Variants in MARCHF1 observed in about 807,000 individuals in gnomAD.
The protein encoded by MARCHF1 is E3 ubiquitin-protein ligase MARCHF1.
MARCHF1 carries 40 observed loss-of-function variants against 54.2 expected under a neutral mutation model. That is an observed-to-expected ratio of 0.74 (90% CI 0.57 to 0.96). The LOEUF (loss-of-function observed/expected upper bound fraction) is 0.96. Among genes scored for constraint, MARCHF1 ranks in the 40% least tolerant of loss-of-function variants. The probability of loss-of-function intolerance (pLI) is 0.00; values close to 1 mark genes in which losing one functional copy is unlikely to be tolerated. For synonymous variants in MARCHF1, 236 were observed against 236.3 expected (o/e 1.00, Z 0.01); for missense variants, 586 against 656.5 (o/e 0.89, Z 1.17).
At chr4:164,258,140 A>G (rs1184593130) in intron 1 of MARCHF1, among the ~76,000 whole-genome samples, 5 of 152,108 alleles carry the variant, frequency 3.3e-5, no homozygotes. Context: ...TTCTCAGCAA[A>G]CACGGGAACA....
At chr4:163,811,707 G>A (rs1748393710) in intron 4 of MARCHF1, among the ~76,000 whole-genome samples, 1 of 152,162 alleles carries the variant, frequency 6.6e-6, no homozygotes, top group Admixed American at 6.5e-5. Flanking sequence ...CTGATATTGA[G>A]AAAGCTTTAC....
chr4:163,870,056 C>A (rs1287608587), intron 3 of MARCHF1, among the ~76,000 whole-genome samples: 1 of 151,538 alleles, frequency 6.6e-6, no homozygotes, highest in Non-Finnish European at 1.5e-5. Context: ...AAAAATCTGA[C>A]ACTCAATTTA....
At chr4:163,561,405 G>A (rs1267457263) in intron 8 of MARCHF1, among the ~76,000 whole-genome samples, 1 of 152,114 alleles carries the variant, frequency 6.6e-6, no homozygotes, top group Non-Finnish European at 1.5e-5. Context: ...GCACATCTGT[G>A]ATTATTTCAT....
At chr4:164,030,323 A>G (rs1753851528) in intron 2 of MARCHF1, among the ~76,000 whole-genome samples, 1 of 152,140 alleles carries the variant, frequency 6.6e-6, no homozygotes, top group African/African-American at 2.4e-5. Flanking sequence ...TACCATTTCC[A>G]TTGTCTTTTA....
chr4:164,006,948 A>G (rs1753301080), intron 2 of MARCHF1, among the ~76,000 whole-genome samples: 1 of 134,232 alleles, frequency 7.4e-6, no homozygotes, highest in Non-Finnish European at 1.6e-5. Flanking sequence ...CACCACCATC[A>G]TTCCCATCTT....
chr4:163,546,194 T>G (rs933091444), intron 8 of MARCHF1, among the ~76,000 whole-genome samples: 3 of 152,238 alleles, frequency 2.0e-5, no homozygotes, highest in African/African-American at 7.2e-5. Flanking sequence ...TAGGCTAGTC[T>G]CAAACTCCTG....
At chr4:164,211,725 G>A (rs1182352001) in intron 1 of MARCHF1, among the ~76,000 whole-genome samples, 1 of 152,010 alleles carries the variant, frequency 6.6e-6, no homozygotes, top group African/African-American at 2.4e-5. Flanking sequence ...AGAAGAATCA[G>A]TGTGGTAAAG....
intron 2 of MARCHF1, among the ~76,000 whole-genome samples, chr4:163,990,846 T>C (rs1224154417): frequency 6.6e-6 from 1 of 152,198 alleles, no homozygotes; most frequent in Non-Finnish European, 1.5e-5. Context: ...TTTAGGTCCA[T>C]GAAATGTCCT....
intron 2 of MARCHF1, among the ~76,000 whole-genome samples, chr4:163,995,375 C>T (rs1753055624): frequency 6.6e-6 from 1 of 152,034 alleles, no homozygotes; most frequent in African/African-American, 2.4e-5. Context: ...GTATCCAGTC[C>T]TTCTGGGTTT....
intron 1 of MARCHF1, among the ~76,000 whole-genome samples, chr4:164,266,500 G>A (rs540637761): frequency 1.3e-5 from 2 of 152,234 alleles, no homozygotes; most frequent in East Asian, 3.9e-4. Context: ...GTTTGCCTAT[G>A]GTCTCTGAGA....
At chr4:163,833,748 T>G (rs1027631796) in intron 4 of MARCHF1, among the ~76,000 whole-genome samples, 3 of 152,152 alleles carry the variant, frequency 2.0e-5, no homozygotes, top group African/African-American at 7.2e-5. Flanking sequence ...GGGCATGTCA[T>G]TTTATTTAGA....
chr4:164,337,845 G>A (rs1729796349), intron 1 of MARCHF1, among the ~76,000 whole-genome samples: 2 of 152,238 alleles, frequency 1.3e-5, no homozygotes, highest in Admixed American at 1.3e-4. Context: ...AAAAATGAAA[G>A]ACTATCAGCA....
intron 4 of MARCHF1, among the ~76,000 whole-genome samples, chr4:163,702,878 A>G (rs1005819663): frequency 3.1e-4 from 47 of 152,316 alleles, no homozygotes; most frequent in African/African-American, 1.1e-3. Flanking sequence ...TTTCTACACC[A>G]GTACATGGAA....
intron 2 of MARCHF1, among the ~76,000 whole-genome samples, chr4:163,994,413 T>A (rs1177806157): frequency 1.3e-5 from 2 of 151,722 alleles, no homozygotes; most frequent in East Asian, 3.9e-4. Flanking sequence ...CCTGGTATTC[T>A]CAAGCCTAGT....
chr4:164,294,076 T>C (rs990636005), intron 1 of MARCHF1, among the ~76,000 whole-genome samples: 5 of 152,314 alleles, frequency 3.3e-5, no homozygotes, highest in African/African-American at 1.2e-4. Context: ...CTACACTGTA[T>C]ACTTCCTACC....
intron 1 of MARCHF1, among the ~76,000 whole-genome samples, chr4:164,114,449 A>G (rs1755899613): frequency 6.6e-6 from 1 of 151,812 alleles, no homozygotes. Context: ...AATAATTCAA[A>G]AATAAGTATT....
intron 2 of MARCHF1, among the ~76,000 whole-genome samples, chr4:164,094,945 A>G (rs1579527917): frequency 6.6e-6 from 1 of 152,182 alleles, no homozygotes; most frequent in Non-Finnish European, 1.5e-5. Flanking sequence ...TAACTGTATC[A>G]TAACAATAAA....
rs1031436798 is a variant in MARCHF1 at position 163,817,744 on chromosome 4, A to G, written c.111+36277T>C. ...GTATGTTTTGAAAGCCACTTAAGAA[A>G]ATGTGGCACATATACACCACGGAAT... On this transcript the variant is annotated intron_variant, in intron 4 of 9. Coordinates refer to ENST00000514618, the MANE Select transcript of MARCHF1 (RefSeq NM_001394959.1). 3.3e-5 allele frequency among the ~76,000 whole-genome samples: 5 copies of G among 152,030 alleles called. No individual in the cohort carries two copies. In the South Asian group the frequency reaches 1.0e-3, roughly 32 times the overall value.
intron 2 of MARCHF1, among the ~76,000 whole-genome samples, chr4:163,998,783 A>AT (rs1403885795): frequency 6.6e-6 from 1 of 151,584 alleles, no homozygotes; most frequent in Admixed American, 6.6e-5. Context: ...AATGACAGGA[A>AT]TTTTTTCTAC....
Sources: allele counts gnomAD v4.1 joint callset (sites outside exome capture counted in the v4.1 genomes callset), GRCh38; gene constraint gnomAD v4.1.1; transcripts MANE v1.5; gene names NCBI Gene and HGNC (gene_info 2026-07-23, HGNC 2026-07-21).